The following TRNAU1AP variants were observed in gnomAD, a reference collection of about 807,000 sequenced individuals.
The protein encoded by TRNAU1AP is tRNA selenocysteine 1-associated protein 1.
A neutral mutation model predicts 43.3 loss-of-function variants in TRNAU1AP; 33 were observed. The ratio of observed to expected loss-of-function variants is 0.76; its 90% CI spans 0.58 to 1.02. TRNAU1AP has a LOEUF of 1.02. TRNAU1AP is among the 50% of genes least tolerant of loss of function. The probability of loss-of-function intolerance (pLI) is 0.00; values close to 1 mark genes in which losing one functional copy is unlikely to be tolerated. For synonymous variants in TRNAU1AP, 143 were observed against 129.1 expected, an observed-to-expected ratio of 1.11 and a Z score of -0.73; for missense variants, 290 against 362.7, an observed-to-expected ratio of 0.80 and a Z score of 1.63.
intron 6 of TRNAU1AP, among the ~76,000 whole-genome samples, chr1:28,569,831 CAAAAAAAA>C (rs760723401): frequency 9.4e-6 from 1 of 106,354 alleles, no homozygotes; most frequent in African/African-American, 3.4e-5. Context: ...CTAAAAATAC[CAAAAAAAA>C]AAAAAAAAAA....
chr1:28,571,844 C>T, intron 7 of TRNAU1AP, 23 bp from the exon 8 acceptor site: 1 of 1,588,538 alleles, frequency 6.3e-7, no homozygotes, highest in East Asian at 2.2e-5. Context: ...TGCCCCTAAC[C>T]CACATCTCTG....
chr1:28,560,386 A>G lies in TRNAU1AP; in HGVS notation c.126-247A>G, dbSNP rs544383091. On this transcript the variant is annotated intron_variant, in intron 2 of 8. Coordinates refer to ENST00000373830, the MANE Select transcript of TRNAU1AP (RefSeq NM_017846.5). The stretch of plus-strand genomic sequence containing the variant: ...AACCTCCACCTCCTGGGTTACAGCA[A>G]TTCTCCCCCTCAGTCTCCCGAGTAA... Among the ~76,000 whole-genome samples, 9 of 151,264 alleles carry G rather than the reference A, an allele frequency of 5.9e-5. No homozygotes were observed. The South Asian group carries it at 1.5e-3, about 25-fold the overall frequency.
chr1:28,576,438 C>A (rs1420528471), intron 8 of TRNAU1AP, among the ~76,000 whole-genome samples: 1 of 151,510 alleles, frequency 6.6e-6, no homozygotes, highest in Non-Finnish European at 1.5e-5. Context: ...CCTGCCTCAG[C>A]CTCCCGAGTA....
At chr1:28,568,744 G>C (rs1228956643) in intron 6 of TRNAU1AP, among the ~76,000 whole-genome samples, 2 of 151,696 alleles carry the variant, frequency 1.3e-5, no homozygotes, top group African/African-American at 4.8e-5. Flanking sequence ...CAATTCATCG[G>C]ACAGCCACCC....
intron 8 of TRNAU1AP, chr1:28,574,800 G>C (rs568972264): frequency 6.6e-6 from 1 of 152,180 alleles, no homozygotes; most frequent in African/African-American, 2.4e-5. Context: ...TTTCTGTCAA[G>C]AAAATGTTCG....
Position 28,577,759 on chromosome 1 carries a change from CATGA to C in TRNAU1AP, c.*127_*130del. ...TTTAATAATGACTGTTTTTGGAGAT[CATGA>C]ATGTTTCTACAACACTGCTGCATTC... On this transcript the variant is annotated 3_prime_UTR_variant, in exon 9 of 9. Transcript: ENST00000373830. The C allele has an allele frequency of 8.9e-7, 1 of 1,120,396 alleles. No homozygotes were observed. Among genetic ancestry groups the C allele is most frequent in the East Asian group, 2.5e-5 (1 of 40,608 alleles). 69.4% of individuals were successfully genotyped at this position (1,120,396 alleles called of 1,614,324 possible).
rs1570263771 is a variant in TRNAU1AP at position 28,577,962 on chromosome 1, T to C, written c.*326T>C. 2 of 192,748 alleles carry C rather than the reference T, an allele frequency of 1.0e-5. No individual in the cohort carries two copies. The highest frequency in any genetic ancestry group is 1.2e-4 in the Admixed American group (2 of 17,056). 11.9% of individuals were successfully genotyped at this position (192,748 alleles called of 1,614,324 possible). On this transcript the variant is annotated 3_prime_UTR_variant, in exon 9 of 9. Transcript: ENST00000373830. ...CACACACTAAAGCCTGAGTTCAAGG[T>C]TTCTCAGTTGACAGGTAGGTATGTA...
intron 2 of TRNAU1AP, 32 bp downstream of exon 2, chr1:28,553,769 T>A (rs1302077286): frequency 2.5e-6 from 4 of 1,570,754 alleles, no homozygotes; most frequent in Non-Finnish European, 3.5e-6. Context: ...TCTTAATACA[T>A]CTCGTTGCAG....
At position 28,571,314 on chromosome 1, in the gene TRNAU1AP, T is replaced by C; in HGVS notation, c.669T>C (p.Tyr223=). 1 of 1,613,946 alleles carries C rather than the reference T, an allele frequency of 6.2e-7. No homozygotes were observed. Among genetic ancestry groups the C allele is most frequent in the Non-Finnish European group, 8.5e-7 (1 of 1,179,892 alleles). Residue 223 remains tyrosine, a synonymous_variant, in exon 7 of 9, where the codon TAT becomes TAC. Transcript: ENST00000373830. ...GCTACAGCTACAGTTACCCCCAGTATGGCTATACCCAGAGCACCATGCAGG... is the reference window on the plus strand; with the variant it reads ...GCTACAGCTACAGTTACCCCCAGTACGGCTATACCCAGAGCACCATGCAGG... ...TGSYSYSYPQ[Y]GYTQSTMQTY...
intron 4 of TRNAU1AP, among the ~76,000 whole-genome samples, chr1:28,563,311 A>G (rs2124198397): frequency 6.6e-6 from 1 of 152,072 alleles, no homozygotes; most frequent in African/African-American, 2.4e-5. Context: ...GCACTTTGGG[A>G]GGCTGAGACG....
intron 8 of TRNAU1AP, among the ~76,000 whole-genome samples, chr1:28,573,639 G>T (rs902010779): frequency 6.6e-6 from 1 of 152,068 alleles, no homozygotes; most frequent in African/African-American, 2.4e-5. Flanking sequence ...CAGGCGTGGT[G>T]TTGCGCGCCT....
In TRNAU1AP at chr1:28,578,509, GTC is replaced by G. The variant is rs1665870500; in HGVS notation, c.*877_*878del. 4 of 312,722 alleles carry G rather than the reference GTC, an allele frequency of 1.3e-5. No individual in the cohort carries two copies. The highest frequency in any genetic ancestry group is 9.6e-5 in the Admixed American group (2 of 20,928). 19.4% of individuals were successfully genotyped at this position (312,722 alleles called of 1,614,324 possible). A position where few individuals can be genotyped will look rare whatever the true frequency, so the allele number is the denominator to read the frequency against. On this transcript the variant is annotated 3_prime_UTR_variant, in exon 9 of 9. Transcript: ENST00000373830. ...TTGAGCTCGGGAAGAGACCAGTTCG[GTC>G]TCTACAAAAAAATACAAACACAAAT...
intron 8 of TRNAU1AP, chr1:28,574,838 A>T (rs1030008459): frequency 6.6e-6 from 1 of 152,226 alleles, no homozygotes; most frequent in Non-Finnish European, 1.5e-5. Flanking sequence ...CTTTTAGGGC[A>T]TGAACAAACT....
intron 2 of TRNAU1AP, among the ~76,000 whole-genome samples, chr1:28,557,093 A>G (rs911452615): frequency 4.0e-5 from 6 of 151,520 alleles, no homozygotes; most frequent in Non-Finnish European, 7.4e-5. Flanking sequence ...GATTACAGGC[A>G]TGAGCCACTG....
chr1:28,576,212 G>T (rs2124221811), intron 8 of TRNAU1AP, among the ~76,000 whole-genome samples: 1 of 148,868 alleles, frequency 6.7e-6, no homozygotes, highest in South Asian at 2.1e-4. Context: ...TGAGATCAGT[G>T]ATGTGAACAT....
intron 8 of TRNAU1AP, among the ~76,000 whole-genome samples, chr1:28,573,646 G>A (rs963149723): frequency 5.3e-5 from 8 of 151,980 alleles, no homozygotes; most frequent in Non-Finnish European, 1.2e-4. Flanking sequence ...GGTGTTGCGC[G>A]CCTATAATCT....
At chr1:28,575,192 G>A (rs1665747194) in intron 8 of TRNAU1AP, among the ~76,000 whole-genome samples, 3 of 151,860 alleles carry the variant, frequency 2.0e-5, no homozygotes, top group Non-Finnish European at 4.4e-5. Flanking sequence ...GTCTTGCTCT[G>A]TCACCAGGCT....
At chr1:28,559,718 A>G (rs1665363000) in intron 2 of TRNAU1AP, among the ~76,000 whole-genome samples, 3 of 152,298 alleles carry the variant, frequency 2.0e-5, no homozygotes, top group Non-Finnish European at 1.5e-5. Flanking sequence ...GGTGTTTTGC[A>G]TAGTCTATCT....
intron 2 of TRNAU1AP, among the ~76,000 whole-genome samples, chr1:28,557,345 G>A (rs1665288297): frequency 6.6e-6 from 1 of 151,404 alleles, no homozygotes; most frequent in Non-Finnish European, 1.5e-5. Context: ...GCGTGAACCC[G>A]GGAGGTGGAG....
Sources: gnomAD v4.1 joint callset for allele counts (sites outside exome capture counted in the v4.1 genomes callset) on GRCh38, gnomAD v4.1.1 for gene constraint, MANE v1.5 for transcripts, NCBI Gene and HGNC (gene_info 2026-07-23, HGNC 2026-07-21) for gene names.